ROBO1: variants seen among roughly 807,000 people sequenced by gnomAD.
ROBO1 encodes the protein roundabout guidance receptor 1, also known as roundabout homolog 1.
A neutral mutation model predicts 195.9 loss-of-function variants in ROBO1; 149 were observed. The observed-to-expected ratio is 0.76, with a 90% CI of 0.67 to 0.87. The LOEUF (loss-of-function observed/expected upper bound fraction) is 0.87. Among genes scored for constraint, ROBO1 ranks in the 40% least tolerant of loss-of-function variants. The pLI, the probability that ROBO1 is intolerant of heterozygous loss-of-function variation, is 0.00. For missense variants in ROBO1, 1,933 were observed against 2,068.3 expected (o/e 0.93, Z 1.27); for synonymous variants, 816 against 733.2 (o/e 1.11, Z -1.82).
intron 2 of ROBO1, among the ~76,000 whole-genome samples, chr3:79,160,246 G>GTT (rs1337816895): frequency 1.3e-5 from 2 of 151,942 alleles, no homozygotes; most frequent in African/African-American, 4.8e-5. Flanking sequence ...GTGTGTGTGT[G>GTT]TGTGTGTGTG....
chr3:79,720,097 G>T (rs1702638439), intron 1 of ROBO1, among the ~76,000 whole-genome samples: 2 of 152,146 alleles, frequency 1.3e-5, no homozygotes, highest in South Asian at 4.1e-4. Context: ...TAAGGAAAGT[G>T]GCTAATCTTT....
At chr3:79,738,978 A>T (rs1703507493) in intron 1 of ROBO1, among the ~76,000 whole-genome samples, 1 of 152,192 alleles carries the variant, frequency 6.6e-6, no homozygotes, top group African/African-American at 2.4e-5. Context: ...AGGTTTACTG[A>T]AGATGTCTGC....
chr3:79,368,382 G>A (rs1205169629), intron 2 of ROBO1, among the ~76,000 whole-genome samples: 1 of 152,102 alleles, frequency 6.6e-6, no homozygotes, highest in Non-Finnish European at 1.5e-5. Context: ...AAACTACTAT[G>A]CAACTAATTG....
chr3:78,775,895 T>C (rs754655854), intron 4 of ROBO1, among the ~76,000 whole-genome samples: 24 of 152,180 alleles, frequency 1.6e-4, no homozygotes, highest in Non-Finnish European at 2.6e-4. Flanking sequence ...GTGCTCTCAG[T>C]AGCTGACCTC....
At chr3:79,558,361 C>G (rs1381027360) in intron 2 of ROBO1, among the ~76,000 whole-genome samples, 1 of 152,104 alleles carries the variant, frequency 6.6e-6, no homozygotes, top group Admixed American at 6.6e-5. Context: ...ATGTTTTTTT[C>G]TTACGACATT....
At chr3:78,995,022 T>C (rs1405645907) in intron 3 of ROBO1, among the ~76,000 whole-genome samples, 6 of 152,202 alleles carry the variant, frequency 3.9e-5, no homozygotes, top group Admixed American at 2.6e-4. Context: ...TGGAAACTAA[T>C]GACTGCTATA....
At chr3:78,950,514 G>A (rs1278192803) in intron 3 of ROBO1, among the ~76,000 whole-genome samples, 2 of 101,344 alleles carry the variant, frequency 2.0e-5, no homozygotes, top group Non-Finnish European at 1.8e-5. Flanking sequence ...CCTGTTGTGG[G>A]GTGGGGGGAG....
chr3:79,194,555 T>C (rs1388216381), intron 2 of ROBO1, among the ~76,000 whole-genome samples: 1 of 151,698 alleles, frequency 6.6e-6, no homozygotes, highest in Non-Finnish European at 1.5e-5. Flanking sequence ...TCAAGAGTTG[T>C]TAAATTTGGT....
At chr3:78,932,272 A>C (rs1055733132) in intron 4 of ROBO1, among the ~76,000 whole-genome samples, 2 of 152,224 alleles carry the variant, frequency 1.3e-5, no homozygotes, top group Admixed American at 1.3e-4. Context: ...GACACTGCCA[A>C]GAATTTCCCA....
intron 2 of ROBO1, among the ~76,000 whole-genome samples, chr3:79,155,186 C>A (rs1193163495): frequency 4.6e-5 from 7 of 151,238 alleles, no homozygotes; most frequent in Non-Finnish European, 5.9e-5. Flanking sequence ...TTGAAAAGAT[C>A]TACCCTTTTT....
chr3:79,191,979 C>G (rs1022865002), intron 2 of ROBO1, among the ~76,000 whole-genome samples: 8 of 151,340 alleles, frequency 5.3e-5, no homozygotes, highest in Non-Finnish European at 1.2e-4. Flanking sequence ...AGAGGGACTT[C>G]TTTAGTAAAG....
At chr3:79,066,155 C>T (rs1050197341) in intron 3 of ROBO1, among the ~76,000 whole-genome samples, 1 of 151,792 alleles carries the variant, frequency 6.6e-6, no homozygotes, top group South Asian at 2.1e-4. Context: ...CCCTAAAAGA[C>T]GTTAAGTTTT....
At chr3:79,289,092 ATT>A (rs5850419) in intron 2 of ROBO1, among the ~76,000 whole-genome samples, 1 of 147,584 alleles carries the variant, frequency 6.8e-6, no homozygotes, top group Non-Finnish European at 1.5e-5. Context: ...AGGTGAAATC[ATT>A]TTTTTTTTTT....
intron 2 of ROBO1, among the ~76,000 whole-genome samples, chr3:79,356,786 C>T (rs1371239046): frequency 6.6e-6 from 1 of 152,108 alleles, no homozygotes; most frequent in Admixed American, 6.6e-5. Context: ...TAAAGGAAAT[C>T]AATGACTGAA....
At chr3:79,050,745 A>G (rs1179829391) in intron 3 of ROBO1, among the ~76,000 whole-genome samples, 3 of 152,208 alleles carry the variant, frequency 2.0e-5, no homozygotes, top group Non-Finnish European at 4.4e-5. Flanking sequence ...AGAACTCAGG[A>G]TTAAGAAACT....
intron 26 of ROBO1, among the ~76,000 whole-genome samples, chr3:78,625,884 G>C (rs1475451895): frequency 6.6e-6 from 1 of 152,100 alleles, no homozygotes; most frequent in East Asian, 1.9e-4. Flanking sequence ...CAGCGGGAGA[G>C]AGCATGGAGC....
At chr3:79,655,332 G>A (rs966351755) in intron 1 of ROBO1, among the ~76,000 whole-genome samples, 4 of 151,806 alleles carry the variant, frequency 2.6e-5, no homozygotes, top group Admixed American at 2.0e-4. Flanking sequence ...TGATACAAAT[G>A]GCATACCACT....
chr3:79,173,415 C>A (rs571431207), intron 2 of ROBO1, among the ~76,000 whole-genome samples: 1 of 151,732 alleles, frequency 6.6e-6, no homozygotes, highest in East Asian at 2.0e-4. Flanking sequence ...GTGGGCTCGG[C>A]GGGCCCGCAC....
chr3:78,698,104 C>T (rs1251116120), intron 8 of ROBO1, among the ~76,000 whole-genome samples: 2 of 146,688 alleles, frequency 1.4e-5, no homozygotes, highest in Admixed American at 1.3e-4. Flanking sequence ...ATCTGATACA[C>T]TAGAATTGTA....
Sources: gnomAD v4.1 joint callset for allele counts (sites outside exome capture counted in the v4.1 genomes callset) on GRCh38, gnomAD v4.1.1 for gene constraint, MANE v1.5 for transcripts, NCBI Gene and HGNC (gene_info 2026-07-23, HGNC 2026-07-21) for gene names.